The following DNAH9 variants were observed in gnomAD, a reference collection of about 807,000 sequenced individuals.
DNAH9 encodes the protein dynein axonemal heavy chain 9.
In DNAH9, 345 loss-of-function variants were observed where a neutral mutation model predicts 471.6. The observed-to-expected ratio is 0.73, with a 90% CI of 0.67 to 0.80. DNAH9 has a LOEUF of 0.80. Among genes scored for constraint, DNAH9 ranks in the 30% least tolerant of loss-of-function variants. The probability of loss-of-function intolerance (pLI) is 0.00; values close to 1 mark genes in which losing one functional copy is unlikely to be tolerated. For synonymous variants in DNAH9, 2,093 were observed against 2,123.6 expected (o/e 0.99, Z 0.40); for missense variants, 5,407 against 5,609.2 (o/e 0.96, Z 1.15).
chr17:11,852,842 A>G (rs910331014), intron 49 of DNAH9, among the ~76,000 whole-genome samples: 164 of 136,718 alleles, frequency 1.2e-3, no homozygotes, highest in Middle Eastern at 3.7e-3. Flanking sequence ...ATATATATAT[A>G]TATATATATA....
intron 61 of DNAH9, among the ~76,000 whole-genome samples, chr17:11,909,749 A>C (rs1261438642): frequency 6.6e-6 from 1 of 152,122 alleles, no homozygotes; most frequent in Non-Finnish European, 1.5e-5. Context: ...CAACAGCTGC[A>C]CTGAGATATA....
intron 35 of DNAH9, among the ~76,000 whole-genome samples, chr17:11,758,645 G>T (rs1214711567): frequency 1.3e-5 from 2 of 152,108 alleles, no homozygotes; most frequent in Non-Finnish European, 2.9e-5. Context: ...AAGGGGAAGG[G>T]AGCACTTCAG....
intron 28 of DNAH9, among the ~76,000 whole-genome samples, chr17:11,730,558 A>G (rs549905588): frequency 6.6e-6 from 1 of 152,310 alleles, no homozygotes; most frequent in East Asian, 1.9e-4. Flanking sequence ...TGTCTCAGCC[A>G]CTTACTAGCT....
At chr17:11,814,968 A>AAAAC (rs112730564) in intron 45 of DNAH9, among the ~76,000 whole-genome samples, 3 of 151,318 alleles carry the variant, frequency 2.0e-5, no homozygotes, top group African/African-American at 7.3e-5. Context: ...AAGAAAAAAA[A>AAAAC]AACAATAAAG....
intron 45 of DNAH9, among the ~76,000 whole-genome samples, chr17:11,816,563 A>T (rs536292894): frequency 1.3e-5 from 2 of 152,038 alleles, no homozygotes; most frequent in Non-Finnish European, 2.9e-5. Flanking sequence ...GAATAGGGAA[A>T]TTTTTTTTTA....
At chr17:11,837,811 C>T (rs750003799) in intron 49 of DNAH9, among the ~76,000 whole-genome samples, 6 of 152,158 alleles carry the variant, frequency 3.9e-5, no homozygotes, top group East Asian at 3.9e-4. Context: ...TTCCTTTTGC[C>T]GTTCTACTCC....
At chr17:11,945,168 G>A (rs1975066264) in intron 67 of DNAH9, among the ~76,000 whole-genome samples, 1 of 152,174 alleles carries the variant, frequency 6.6e-6, no homozygotes, top group Non-Finnish European at 1.5e-5. Context: ...TGGCTTTGCT[G>A]ACCAGCTTAC....
chr17:11,598,566 G>C lies in DNAH9; in HGVS notation c.68G>C (p.Arg23Pro). 7.1e-7 allele frequency: 1 copy of C among 1,406,166 alleles called. No individual in the cohort carries two copies. The highest frequency in any genetic ancestry group is 1.5e-5 in the South Asian group (1 of 65,396). 87.1% of individuals were successfully genotyped at this position (1,406,166 alleles called of 1,614,324 possible). ...GCGGATGGGGAACCCGGCGCCGACC[G>C]ACGACTGCGACTCCTGGGGACCTAC... Reference protein sequence around the residue: ...ENADGEPGADRRLRLLGTYVA... With the variant: ...ENADGEPGADPRLRLLGTYVA... Residue 23 changes from arginine (R) to proline (P), a missense_variant, in exon 1 of 69, where the codon CGA becomes CCA. By Grantham distance (103) the Arg-to-Pro change is moderately radical (BLOSUM62 -2). This residue lies in a region of DNAH9 where 767 missense variants were observed against 692.5 expected (regional missense o/e 1.11). Coordinates refer to ENST00000262442, the MANE Select transcript of DNAH9 (RefSeq NM_001372.4).
Position 11,730,116 on chromosome 17 carries a change from G to A in DNAH9, c.5814+2194G>A, listed in dbSNP as rs73292636. 7.7e-3 allele frequency among the ~76,000 whole-genome samples: 1,178 copies of A among 152,262 alleles called. 12 individuals carry two copies. Among genetic ancestry groups the A allele is most frequent in the African/African-American group, 0.025 (1,059 of 41,546 alleles). On this transcript the variant is annotated intron_variant, in intron 28 of 68. Transcript: ENST00000262442. ...CCCTGGTTTCCAGTGGTGAAATATG[G>A]TTTTTCCCTTTTTTTGGGTTTGTTC...
intron 43 of DNAH9, among the ~76,000 whole-genome samples, chr17:11,802,222 G>T (rs1157052103): frequency 1.3e-5 from 2 of 152,076 alleles, no homozygotes; most frequent in Middle Eastern, 3.2e-3. Flanking sequence ...TCAGAAAAAG[G>T]ATACCAGGCA....
chr17:11,616,997 T>C (rs2321843), intron 4 of DNAH9, among the ~76,000 whole-genome samples: 151,144 of 152,332 alleles, frequency 0.99, 74,991 homozygotes, highest in East Asian at 1. Flanking sequence ...ATTACAGCTC[T>C]GCCTATTTTT....
chr17:11,676,330 C>T (rs1485435036), intron 17 of DNAH9, among the ~76,000 whole-genome samples: 10 of 145,350 alleles, frequency 6.9e-5, no homozygotes, highest in Non-Finnish European at 1.5e-4. Context: ...ATGCCCAGGC[C>T]GCAGTGCAAT....
At chr17:11,765,635 CAGG>C (rs918467652) in intron 36 of DNAH9, among the ~76,000 whole-genome samples, 15 of 152,246 alleles carry the variant, frequency 9.9e-5, no homozygotes, top group Admixed American at 8.5e-4. Flanking sequence ...TCTCCAAGGA[CAGG>C]AGGATACATG....
chr17:11,908,534 A>T (rs2058040), intron 61 of DNAH9, among the ~76,000 whole-genome samples: 27,260 of 152,186 alleles, frequency 0.18, 2,693 homozygotes, highest in African/African-American at 0.26. Flanking sequence ...TTCTTAGTAT[A>T]TCCCATTTAC....
intron 24 of DNAH9, among the ~76,000 whole-genome samples, chr17:11,703,465 A>C (rs1185619587): frequency 6.6e-6 from 1 of 152,212 alleles, no homozygotes; most frequent in Non-Finnish European, 1.5e-5. Flanking sequence ...AGTAAATGTC[A>C]TCTAGAGTGG....
intron 38 of DNAH9, among the ~76,000 whole-genome samples, chr17:11,780,238 A>C (rs1266552163): frequency 6.6e-6 from 1 of 152,254 alleles, no homozygotes; most frequent in Non-Finnish European, 1.5e-5. Flanking sequence ...ATAGAGAGCC[A>C]GGAAACCTGA....
chr17:11,741,239 A>G (rs2075428899), intron 29 of DNAH9, among the ~76,000 whole-genome samples: 2 of 152,234 alleles, frequency 1.3e-5, no homozygotes, highest in African/African-American at 2.4e-5. Context: ...CCTATTACAT[A>G]CCCAACAAAT....
At chr17:11,868,533 T>C (rs184645822) in intron 50 of DNAH9, among the ~76,000 whole-genome samples, 1 of 152,098 alleles carries the variant, frequency 6.6e-6, no homozygotes, top group South Asian at 2.1e-4. Context: ...AGAGACTAGA[T>C]GAGGTTAAGT....
intron 48 of DNAH9, among the ~76,000 whole-genome samples, chr17:11,826,282 A>C (rs11655277): frequency 0.52 from 78,401 of 151,686 alleles, 21,386 homozygotes; most frequent in Non-Finnish European, 0.6. Context: ...GGAGACCACC[A>C]CCAATGACCT....
Sources: allele counts gnomAD v4.1 joint callset (sites outside exome capture counted in the v4.1 genomes callset), GRCh38; gene constraint gnomAD v4.1.1; regional missense constraint gnomAD v4.1.1; transcripts MANE v1.5; gene names NCBI Gene and HGNC (gene_info 2026-07-23, HGNC 2026-07-21).